CSMD2: variants seen among roughly 807,000 people sequenced by gnomAD.
The protein encoded by CSMD2 is CUB and Sushi multiple domains 2.
In CSMD2, 130 loss-of-function variants were observed where a neutral mutation model predicts 398.5. The ratio of observed to expected loss-of-function variants is 0.33; its 90% CI spans 0.28 to 0.38. The LOEUF is 0.38. Ranked by LOEUF, CSMD2 falls within the 10% of genes least tolerant of loss-of-function variation. CSMD2 has a pLI of 1.00. For missense variants in CSMD2, 3,829 were observed against 4,764.9 expected, an observed-to-expected ratio of 0.80 and a Z score of 5.78; for synonymous variants, 1,828 against 1,908.5, an observed-to-expected ratio of 0.96 and a Z score of 1.10.
chr1:33,772,778 G>C (rs1356098199), intron 12 of CSMD2, 27 bp from the exon 13 acceptor site: 2 of 1,595,084 alleles, frequency 1.3e-6, no homozygotes, highest in Admixed American at 3.4e-5. Flanking sequence ...TGAGAAAACA[G>C]AGACAAAAGG....
At chr1:34,128,928 T>G (rs1445062865) in intron 1 of CSMD2, among the ~76,000 whole-genome samples, 1 of 152,052 alleles carries the variant, frequency 6.6e-6, no homozygotes, top group Non-Finnish European at 1.5e-5. Context: ...AGTCCTGGCA[T>G]GCAGAATTCA....
intron 29 of CSMD2, among the ~76,000 whole-genome samples, chr1:33,645,836 T>C (rs1643395427): frequency 6.6e-6 from 1 of 152,244 alleles, no homozygotes; most frequent in Non-Finnish European, 1.5e-5. Flanking sequence ...GTCATAAACA[T>C]GAACTTTCAA....
chr1:33,764,949 G>A (rs1485044106), intron 13 of CSMD2, among the ~76,000 whole-genome samples: 1 of 152,228 alleles, frequency 6.6e-6, no homozygotes, highest in Non-Finnish European at 1.5e-5. Context: ...TGAGGTCAGG[G>A]TGGGAGGAGA....
At chr1:33,853,219 A>T (rs1431713883) in intron 5 of CSMD2, among the ~76,000 whole-genome samples, 1 of 152,226 alleles carries the variant, frequency 6.6e-6, no homozygotes, top group Non-Finnish European at 1.5e-5. Context: ...ACCACAATGC[A>T]TCATTCACCA....
Position 34,075,723 on chromosome 1 carries a change from T to C in CSMD2, c.404+13254A>G, listed in dbSNP as rs575629840. On this transcript the variant is annotated intron_variant, in intron 2 of 70. Coordinates refer to ENST00000373381, the MANE Select transcript of CSMD2 (RefSeq NM_001281956.2). ...TCTTCATAGATTATGTTTGCTCGTG[T>C]CCCATTAGAAAACTTCATTCCACAT... Among the ~76,000 whole-genome samples, 22 of 152,354 alleles carry C rather than the reference T, an allele frequency of 1.4e-4. No individual in the cohort carries two copies. The East Asian group carries it at 4.1e-3, about 28-fold the overall frequency.
chr1:33,526,107 C>T (rs1447337082), intron 65 of CSMD2, among the ~76,000 whole-genome samples: 1 of 152,036 alleles, frequency 6.6e-6, no homozygotes, highest in Non-Finnish European at 1.5e-5. Flanking sequence ...TCACATTGTA[C>T]TCTATAAATA....
chr1:34,073,301 G>T (rs982481990), intron 2 of CSMD2, among the ~76,000 whole-genome samples: 1 of 152,164 alleles, frequency 6.6e-6, no homozygotes, highest in Non-Finnish European at 1.5e-5. Flanking sequence ...AATGCCTTTG[G>T]CCTCAAACCC....
chr1:33,622,089 A>T, intron 37 of CSMD2, 78 bp downstream of exon 37: 1 of 1,045,816 alleles, frequency 9.6e-7, no homozygotes, highest in South Asian at 1.3e-5. Context: ...GCTCCAGTTT[A>T]ATCCTTGCTC....
intron 12 of CSMD2, among the ~76,000 whole-genome samples, chr1:33,783,431 T>TTC (rs55769634): frequency 0.026 from 3,530 of 135,056 alleles, 118 homozygotes; most frequent in African/African-American, 0.071. Flanking sequence ...CATTCTCTCA[T>TTC]TCTCTCTCTC....
intron 1 of CSMD2, among the ~76,000 whole-genome samples, chr1:34,098,807 C>T (rs1465378865): frequency 2.6e-5 from 4 of 152,034 alleles, no homozygotes; most frequent in South Asian, 2.1e-4. Flanking sequence ...AAAATAAAGT[C>T]ATAAAATAAT....
intron 5 of CSMD2, among the ~76,000 whole-genome samples, chr1:33,867,479 A>C (rs1343281477): frequency 6.6e-6 from 1 of 152,246 alleles, no homozygotes; most frequent in Non-Finnish European, 1.5e-5. Flanking sequence ...TATAAATGTA[A>C]GTTTAAAACT....
intron 27 of CSMD2, among the ~76,000 whole-genome samples, chr1:33,653,655 C>T (rs1321731568): frequency 6.6e-6 from 1 of 152,132 alleles, no homozygotes; most frequent in Non-Finnish European, 1.5e-5. Context: ...GCAGCTTCCC[C>T]AGAGCCTGGA....
intron 56 of CSMD2, among the ~76,000 whole-genome samples, chr1:33,549,541 C>T (rs1455498864): frequency 6.6e-6 from 1 of 152,242 alleles, no homozygotes; most frequent in African/African-American, 2.4e-5. Flanking sequence ...GGACCTTTGG[C>T]AGTTCTCTAC....
chr1:33,802,131 G>C (rs1655679529), intron 10 of CSMD2, among the ~76,000 whole-genome samples: 1 of 152,260 alleles, frequency 6.6e-6, no homozygotes, highest in Admixed American at 6.5e-5. Flanking sequence ...AATATTATAA[G>C]GACTGAGATA....
chr1:33,810,177 G>A (rs908221374), intron 10 of CSMD2, among the ~76,000 whole-genome samples: 1 of 151,832 alleles, frequency 6.6e-6, no homozygotes, highest in African/African-American at 2.4e-5. Flanking sequence ...TTATAAGAGA[G>A]AACAAAGGGC....
chr1:34,026,937 G>A (rs751809972), intron 3 of CSMD2, among the ~76,000 whole-genome samples: 1 of 152,166 alleles, frequency 6.6e-6, no homozygotes, highest in Non-Finnish European at 1.5e-5. Context: ...CTGGGTTCCA[G>A]GAGGATTTAA....
intron 3 of CSMD2, among the ~76,000 whole-genome samples, chr1:33,993,057 GTA>G (rs1267231508): frequency 6.6e-6 from 1 of 152,112 alleles, no homozygotes; most frequent in Non-Finnish European, 1.5e-5. Flanking sequence ...GTCTGCATAT[GTA>G]TATGTGTATT....
intron 12 of CSMD2, among the ~76,000 whole-genome samples, chr1:33,784,535 C>G (rs1213641326): frequency 6.6e-6 from 1 of 152,222 alleles, no homozygotes; most frequent in Admixed American, 6.5e-5. Flanking sequence ...CCTCCAGGCT[C>G]CTGCGAGCCT....
chr1:33,798,191 C>T (rs532116022), intron 10 of CSMD2, among the ~76,000 whole-genome samples: 83 of 152,250 alleles, frequency 5.5e-4, no homozygotes, highest in Non-Finnish European at 9.4e-4. Flanking sequence ...AAGCGCCTTT[C>T]GGAGGCAGGA....
Sources: gnomAD v4.1 joint callset for allele counts (sites outside exome capture counted in the v4.1 genomes callset) on GRCh38, gnomAD v4.1.1 for gene constraint, MANE v1.5 for transcripts, NCBI Gene and HGNC (gene_info 2026-07-23, HGNC 2026-07-21) for gene names.